PTK2: variants seen among roughly 807,000 people sequenced by gnomAD.
PTK2 encodes protein tyrosine kinase 2.
In PTK2, 45 loss-of-function variants were observed where a neutral mutation model predicts 150.1. The ratio of observed to expected loss-of-function variants is 0.30; its 90% CI spans 0.24 to 0.38. PTK2 has a LOEUF of 0.38. Among genes scored for constraint, PTK2 ranks in the 10% least tolerant of loss-of-function variants. PTK2 has a pLI of 1.00. For missense variants in PTK2, 919 were observed against 1,307.3 expected (o/e 0.70, Z 4.58); for synonymous variants, 432 against 449.2 (o/e 0.96, Z 0.48).
intron 23 of PTK2, among the ~76,000 whole-genome samples, chr8:140,708,264 G>C (rs181164753): frequency 6.6e-6 from 1 of 152,112 alleles, no homozygotes; most frequent in Non-Finnish European, 1.5e-5. Flanking sequence ...AGTTAGGTCC[G>C]GAGTATGTTT....
chr8:140,666,292 C>T (rs955467833), intron 30 of PTK2, among the ~76,000 whole-genome samples: 2 of 152,068 alleles, frequency 1.3e-5, no homozygotes, highest in Non-Finnish European at 2.9e-5. Context: ...GAACCAAGAT[C>T]GTGCCATTGC....
intron 1 of PTK2, among the ~76,000 whole-genome samples, chr8:140,992,631 C>G (rs963263524): frequency 5.9e-5 from 9 of 152,286 alleles, no homozygotes; most frequent in African/African-American, 2.2e-4. Flanking sequence ...GCCCCTGGAG[C>G]TTACTGGAAC....
Position 140,994,561 on chromosome 8 carries a change from G to A in PTK2, c.-122+6564C>T, listed in dbSNP as rs184733894. ...AGGGTCTCACTATGTTGCCCAGGCT[G>A]ATCTTGAACTCCTGGCCTCAAGCAA... On this transcript the variant is annotated intron_variant, in intron 1 of 31. Transcript: ENST00000522684. 4.6e-5 allele frequency among the ~76,000 whole-genome samples: 7 copies of A among 152,248 alleles called. No individual in the cohort carries two copies. In the East Asian group the frequency reaches 9.7e-4, roughly 21 times the overall value.
At chr8:140,762,571 A>C (rs537481690) in intron 15 of PTK2, among the ~76,000 whole-genome samples, 183 bp from the exon 18 acceptor site, 1 of 152,368 alleles carries the variant, frequency 6.6e-6, no homozygotes, top group South Asian at 2.1e-4. Context: ...CTTCAAGTTA[A>C]CTCAATGTTA....
At chr8:140,837,133 C>T (rs2100119126) in intron 7 of PTK2, among the ~76,000 whole-genome samples, 1 of 152,190 alleles carries the variant, frequency 6.6e-6, no homozygotes, top group African/African-American at 2.4e-5. Flanking sequence ...TCCTCCTCAC[C>T]TCTTATTTAC....
At chr8:140,817,550 C>T (rs1280291720) in intron 10 of PTK2, among the ~76,000 whole-genome samples, 1 of 152,182 alleles carries the variant, frequency 6.6e-6, no homozygotes, top group Non-Finnish European at 1.5e-5. Flanking sequence ...CTTCTCAGTA[C>T]ACCCACCCTC....
intron 3 of PTK2, among the ~76,000 whole-genome samples, chr8:140,887,360 G>C (rs1406732979): frequency 6.6e-6 from 1 of 152,174 alleles, no homozygotes; most frequent in Non-Finnish European, 1.5e-5. Flanking sequence ...ACTTCAATGA[G>C]TATCATTTTA....
intron 3 of PTK2, among the ~76,000 whole-genome samples, chr8:140,889,598 G>A (rs1055860518): frequency 2.7e-5 from 4 of 149,808 alleles, no homozygotes; most frequent in African/African-American, 9.8e-5. Context: ...ATGTAAGTTA[G>A]AGAGTAGCAA....
intron 1 of PTK2, among the ~76,000 whole-genome samples, chr8:140,945,191 A>AT (rs1450797763): frequency 6.6e-6 from 1 of 152,202 alleles, no homozygotes; most frequent in Non-Finnish European, 1.5e-5. Context: ...ATGCGTAAAG[A>AT]TTTTTCCGTA....
At position 140,708,205 on chromosome 8, in the gene PTK2, GTGTC is replaced by G. The variant is rs1488152734; in HGVS notation, c.2143-2004_2143-2001del. On this transcript the variant is annotated intron_variant, in intron 23 of 31. Coordinates refer to ENST00000522684, the Ensembl canonical transcript of PTK2. ...CAAGCTTAGGAAAGAAAACGCCTTA[GTGTC>G]TGTCTCTCTCTCCCACAGTGCTGGG... is the stretch of plus-strand genomic sequence containing the variant. Among the ~76,000 whole-genome samples, 4 of 152,158 alleles carry G rather than the reference GTGTC, an allele frequency of 2.6e-5. No homozygotes were observed. In the East Asian group the frequency reaches 5.8e-4, roughly 22 times the overall value.
intron 16 of PTK2, among the ~76,000 whole-genome samples, chr8:140,758,850 T>C (rs1214781710): frequency 2.6e-5 from 4 of 152,184 alleles, no homozygotes; most frequent in Admixed American, 1.3e-4. Flanking sequence ...TCCTGCAAAC[T>C]CCATTCATGG....
At chr8:140,869,271 G>T (rs1365971324) in intron 4 of PTK2, among the ~76,000 whole-genome samples, 2 of 152,142 alleles carry the variant, frequency 1.3e-5, no homozygotes, top group African/African-American at 4.8e-5. Flanking sequence ...TAACTGACTG[G>T]CAGCTTCTTC....
At chr8:140,900,897 G>GA (rs55905492) in intron 2 of PTK2, among the ~76,000 whole-genome samples, 35,490 of 149,756 alleles carry the variant, frequency 0.24, 4,698 homozygotes, top group Admixed American at 0.36. Context: ...GCAGAAATAG[G>GA]AAAAAAAAAA....
intron 23 of PTK2, among the ~76,000 whole-genome samples, chr8:140,707,551 A>AC (rs11452785): frequency 0.83 from 126,385 of 151,992 alleles, 53,008 homozygotes; most frequent in African/African-American, 0.86. Context: ...GATTACAGGC[A>AC]GCGGCACCTC....
At chr8:140,979,787 A>T (rs752330108) in intron 1 of PTK2, among the ~76,000 whole-genome samples, 7 of 152,156 alleles carry the variant, frequency 4.6e-5, no homozygotes, top group Non-Finnish European at 8.8e-5. Flanking sequence ...GAGTTCCCTT[A>T]TACAAGCTCT....
chr8:140,676,375 CA>C (rs1208144059), intron 27 of PTK2, among the ~76,000 whole-genome samples: 1 of 146,232 alleles, frequency 6.8e-6, no homozygotes, highest in African/African-American at 2.6e-5. Flanking sequence ...GACTCTGTCT[CA>C]AAAAAATTAA....
intron 22 of PTK2, among the ~76,000 whole-genome samples, chr8:140,734,032 C>T (rs2100051120): frequency 6.6e-6 from 1 of 152,168 alleles, no homozygotes; most frequent in African/African-American, 2.4e-5. Context: ...CTGGATGAAT[C>T]CTTTGTGCTT....
chr8:140,822,509 A>G (rs992783643), intron 8 of PTK2: 4 of 152,192 alleles, frequency 2.6e-5, no homozygotes, highest in Admixed American at 2.6e-4. Flanking sequence ...CAGAGACTGA[A>G]ACATTAGGTA....
chr8:140,852,340 AGG>A (rs2100129820), intron 5 of PTK2, among the ~76,000 whole-genome samples: 2 of 152,204 alleles, frequency 1.3e-5, no homozygotes, highest in Non-Finnish European at 2.9e-5. Flanking sequence ...ATAAAGCAAC[AGG>A]GATTTTCTTT....
Sources: gnomAD v4.1 joint callset for allele counts (sites outside exome capture counted in the v4.1 genomes callset) on GRCh38, gnomAD v4.1.1 for gene constraint, MANE v1.5 for transcripts, NCBI Gene and HGNC (gene_info 2026-07-23, HGNC 2026-07-21) for gene names.